MRPL3: variants seen among roughly 807,000 people sequenced by gnomAD.
MRPL3 encodes large ribosomal subunit protein uL3m.
A neutral mutation model predicts 44.3 loss-of-function variants in MRPL3; 43 were observed. The observed-to-expected ratio is 0.97, with a 90% CI of 0.76 to 1.25. MRPL3 has a LOEUF of 1.25. Among genes scored for constraint, MRPL3 ranks in the 50% most tolerant of loss-of-function variants. The pLI is 0.00. For missense variants in MRPL3, 406 were observed against 427.6 expected, an observed-to-expected ratio of 0.95 and a Z score of 0.45; for synonymous variants, 171 against 152.3, an observed-to-expected ratio of 1.12 and a Z score of -0.91.
chr3:131,462,985 A>AT (rs1933524845), intron 9 of MRPL3, 110 bp from the exon 10 acceptor site: 1 of 870,918 alleles, frequency 1.1e-6, no homozygotes, highest in Non-Finnish European at 1.7e-6. Flanking sequence ...TCTAATGTGA[A>AT]TAACACAACT....
chr3:131,488,308 G>T (rs1251259306), intron 5 of MRPL3, among the ~76,000 whole-genome samples: 1 of 152,050 alleles, frequency 6.6e-6, no homozygotes, highest in Non-Finnish European at 1.5e-5. Context: ...GCAAAAAATT[G>T]CCTTTATAGA....
At chr3:131,486,226 C>G (rs1468990405) in intron 6 of MRPL3, among the ~76,000 whole-genome samples, 1 of 151,692 alleles carries the variant, frequency 6.6e-6, no homozygotes, top group Non-Finnish European at 1.5e-5. Context: ...ACCATAAAAA[C>G]CCTAGAAGAA....
In MRPL3 at chr3:131,502,816, C is replaced by T. The variant is rs758583143; in HGVS notation, c.6G>A (p.Pro2=). Residue 2 remains proline (P), a synonymous_variant, in exon 1 of 10, where the codon CCG becomes CCA. Transcript: ENST00000264995. M[P]GWRLLTQVGA... is the part of the protein sequence containing the mutation. ...CGACCTGCGTCAGCAGCCTCCAACC[C>T]GGCATGGATTAGCCCGGGAAGACTC... The T allele has an allele frequency of 1.9e-6, 3 of 1,612,188 alleles. No individual in the cohort carries two copies. The African/African-American group carries it at 4.0e-5, about 21-fold the overall frequency.
chr3:131,490,349 G>C (rs1934229387), intron 4 of MRPL3, among the ~76,000 whole-genome samples: 1 of 152,102 alleles, frequency 6.6e-6, no homozygotes, highest in South Asian at 2.1e-4. Flanking sequence ...CCTCTGTTCT[G>C]CAGGAAAATA....
intron 6 of MRPL3, chr3:131,479,148 C>A: frequency 1.9e-6 from 1 of 518,890 alleles, no homozygotes; most frequent in South Asian, 1.4e-5. Context: ...CTGGTTAGAG[C>A]TGGCAGGAAC....
intron 6 of MRPL3, among the ~76,000 whole-genome samples, chr3:131,472,839 A>C (rs1933769972): frequency 6.6e-6 from 1 of 152,186 alleles, no homozygotes; most frequent in Non-Finnish European, 1.5e-5. Flanking sequence ...AAAAATAAAT[A>C]CCCAGGAATA....
At position 131,467,158 on chromosome 3, in the gene MRPL3, A is replaced by G. The variant is rs375650665; in HGVS notation, c.894+933T>C. On this transcript the variant is annotated intron_variant, in intron 9 of 9. Transcript: ENST00000264995. ...CAGGTTTATCCATGTCACCACAAAC[A>G]ATAGCAATTCATTCTGTTTATGGCT... Among the ~76,000 whole-genome samples the G allele has an allele frequency of 2.6e-5, 4 of 152,232 alleles. No individual in the cohort carries two copies. In the East Asian group the frequency reaches 7.7e-4, roughly 29 times the overall value.
intron 9 of MRPL3, among the ~76,000 whole-genome samples, chr3:131,463,286 T>C (rs1933530848): frequency 2.0e-5 from 3 of 152,066 alleles, no homozygotes; most frequent in African/African-American, 7.2e-5. Flanking sequence ...TCACCTCTTA[T>C]TAAGGAAATC....
intron 4 of MRPL3, among the ~76,000 whole-genome samples, chr3:131,495,125 G>C (rs1159417385): frequency 2.6e-5 from 4 of 152,112 alleles, no homozygotes; most frequent in African/African-American, 4.8e-5. Context: ...AAAGAAAACA[G>C]TTCTAACACT....
At chr3:131,479,366 A>T (rs1392228229) in intron 6 of MRPL3, 1 of 202,536 alleles carries the variant, frequency 4.9e-6, no homozygotes, top group Admixed American at 5.2e-5. Context: ...AATACACCCA[A>T]ATCAGGCTAC....
chr3:131,477,871 G>T (rs1933890975), intron 6 of MRPL3, among the ~76,000 whole-genome samples: 1 of 151,950 alleles, frequency 6.6e-6, no homozygotes, highest in Non-Finnish European at 1.5e-5. Context: ...TTAACGTCCC[G>T]CTCCTTTCCA....
At position 131,489,972 on chromosome 3, in the gene MRPL3, T is replaced by G. The variant is rs775306536; in HGVS notation, c.568+9A>C. 5 of 1,577,840 alleles carry G rather than the reference T, an allele frequency of 3.2e-6. No homozygotes were observed. The Admixed American group carries it at 8.4e-5, about 26-fold the overall frequency. ...TTTTACCTCCCTCCTCTCCCCAACC[T>G]CAAATTACCTGGTTTAATTGCAGCA... On this transcript the variant is annotated intron_variant, in intron 5 of 9. Coordinates refer to ENST00000264995, the MANE Select transcript of MRPL3 (RefSeq NM_007208.4).
chr3:131,489,835 A>AC, intron 5 of MRPL3, 146 bp downstream of exon 5: 1 of 532,964 alleles, frequency 1.9e-6, no homozygotes. Context: ...AAAAAAAAAA[A>AC]AAAACAAAAT....
chr3:131,481,529 C>G (rs1055222598), intron 6 of MRPL3, among the ~76,000 whole-genome samples: 2 of 152,156 alleles, frequency 1.3e-5, no homozygotes, highest in African/African-American at 4.8e-5. Flanking sequence ...TTATCTAGGT[C>G]ACAGAGCTAC....
chr3:131,471,466 C>T (rs766235354), intron 6 of MRPL3, 187 bp from the exon 7 acceptor site: 9 of 540,944 alleles, frequency 1.7e-5, no homozygotes, highest in East Asian at 1.2e-4. Flanking sequence ...TCTTGGTCTG[C>T]ACCCCTTCCT....
At chr3:131,487,551 T>C in intron 6 of MRPL3, 129 bp downstream of exon 6, 2 of 761,564 alleles carry the variant, frequency 2.6e-6, no homozygotes, top group Non-Finnish European at 4.3e-6. Flanking sequence ...CATGAAAGAT[T>C]TGAATTCAGA....
intron 6 of MRPL3, among the ~76,000 whole-genome samples, chr3:131,480,543 C>T (rs556023933): frequency 2.9e-4 from 44 of 152,310 alleles, no homozygotes; most frequent in African/African-American, 9.6e-4. Flanking sequence ...GCACTGCTTA[C>T]GGCTTTTCTG....
intron 6 of MRPL3, among the ~76,000 whole-genome samples, chr3:131,474,269 T>C (rs1933804669): frequency 6.6e-6 from 1 of 152,200 alleles, no homozygotes; most frequent in Admixed American, 6.5e-5. Flanking sequence ...GAGGACATTA[T>C]GTTAAGTGAA....
chr3:131,489,844 A>AAT, intron 5 of MRPL3, 137 bp downstream of exon 5: 2 of 536,722 alleles, frequency 3.7e-6, no homozygotes, highest in Non-Finnish European at 6.6e-6. Context: ...AAAAAACAAA[A>AAT]TGAGATACAG....
Sources: allele counts gnomAD v4.1 joint callset (sites outside exome capture counted in the v4.1 genomes callset), GRCh38; gene constraint gnomAD v4.1.1; transcripts MANE v1.5; gene names NCBI Gene and HGNC (gene_info 2026-07-23, HGNC 2026-07-21).